Variants in TRAPPC9 observed in about 807,000 individuals in gnomAD.
The protein encoded by TRAPPC9 is trafficking protein particle complex subunit 9, also known as IKK2 binding protein.
Under a neutral mutation model 124.0 loss-of-function variants are expected in TRAPPC9, and 83 were observed. The observed-to-expected ratio is 0.67, with a 90% CI of 0.56 to 0.80. TRAPPC9 has a LOEUF of 0.80. Among genes scored for constraint, TRAPPC9 ranks in the 30% least tolerant of loss-of-function variants. The pLI is 0.00. For synonymous variants in TRAPPC9, 638 were observed against 617.5 expected (o/e 1.03, Z -0.49); for missense variants, 1,302 against 1,508.3 (o/e 0.86, Z 2.27).
At chr8:140,408,283 GGA>G (rs2069568799) in intron 5 of TRAPPC9, among the ~76,000 whole-genome samples, 1 of 152,092 alleles carries the variant, frequency 6.6e-6, no homozygotes, top group South Asian at 2.1e-4. Context: ...GAAGTCACGG[GGA>G]GGGGGGAAGG....
At chr8:140,175,867 C>T (rs1389790621) in intron 17 of TRAPPC9, among the ~76,000 whole-genome samples, 1 of 152,248 alleles carries the variant, frequency 6.6e-6, no homozygotes, top group Non-Finnish European at 1.5e-5. Context: ...AACTATCTCA[C>T]ATTGTAGGCA....
intron 16 of TRAPPC9, among the ~76,000 whole-genome samples, chr8:140,230,058 T>C (rs909599165): frequency 1.3e-5 from 2 of 152,120 alleles, no homozygotes; most frequent in African/African-American, 4.8e-5. Flanking sequence ...GTCCAGACTG[T>C]CACCTGCCAG....
chr8:140,023,163 G>A (rs561154929), intron 18 of TRAPPC9, among the ~76,000 whole-genome samples: 146 of 152,294 alleles, frequency 9.6e-4, no homozygotes, highest in Non-Finnish European at 1.7e-3. Flanking sequence ...GCTCGGAGGT[G>A]AAGAGCACCT....
At chr8:140,160,940 G>A (rs1018514488) in intron 17 of TRAPPC9, among the ~76,000 whole-genome samples, 3 of 152,104 alleles carry the variant, frequency 2.0e-5, no homozygotes, top group Non-Finnish European at 4.4e-5. Flanking sequence ...CTAAGCACTC[G>A]CTATGCATCG....
chr8:139,938,786 C>A (rs1193089640), intron 19 of TRAPPC9, among the ~76,000 whole-genome samples: 1 of 151,072 alleles, frequency 6.6e-6, no homozygotes, highest in Non-Finnish European at 1.5e-5. Context: ...GCTGGGACTA[C>A]AGGCGCCCGC....
At chr8:140,455,980 C>T (rs1417153336) in intron 1 of TRAPPC9, among the ~76,000 whole-genome samples, 1 of 152,068 alleles carries the variant, frequency 6.6e-6, no homozygotes, top group Non-Finnish European at 1.5e-5. Context: ...CTATATATAT[C>T]GAAAGTAAAC....
intron 17 of TRAPPC9, among the ~76,000 whole-genome samples, chr8:140,138,413 G>A (rs983596496): frequency 2.0e-5 from 3 of 152,182 alleles, no homozygotes; most frequent in Non-Finnish European, 4.4e-5. Flanking sequence ...TCTGGGCTCC[G>A]GGTTTGTTAA....
chr8:139,894,694 C>G (rs1166368111), intron 20 of TRAPPC9, among the ~76,000 whole-genome samples: 1 of 152,180 alleles, frequency 6.6e-6, no homozygotes, highest in Non-Finnish European at 1.5e-5. Context: ...GTGACTCACT[C>G]TAATCAAAGG....
At chr8:140,314,330 G>T (rs1221040846) in intron 9 of TRAPPC9, among the ~76,000 whole-genome samples, 1 of 151,896 alleles carries the variant, frequency 6.6e-6, no homozygotes, top group Non-Finnish European at 1.5e-5. Flanking sequence ...ATTTCTAATG[G>T]ATACATAATA....
intron 21 of TRAPPC9, among the ~76,000 whole-genome samples, chr8:139,836,979 G>GAACCC (rs3036943): frequency 2.6e-5 from 1 of 38,144 alleles, no homozygotes; most frequent in African/African-American, 2.5e-4. Flanking sequence ...GGAGGACTTG[G>GAACCC]GGCCTAGCGA....
chr8:140,312,985 C>G (rs1248209088), intron 9 of TRAPPC9, among the ~76,000 whole-genome samples: 2 of 152,122 alleles, frequency 1.3e-5, no homozygotes, highest in African/African-American at 4.8e-5. Flanking sequence ...GTCTCCAACT[C>G]CTGGGCTCAA....
chr8:139,796,160 G>A lies in TRAPPC9; in HGVS notation c.3056-63958C>T, dbSNP rs1032865249. The stretch of plus-strand genomic sequence containing the variant: ...AGGAGGAGGAAGAGGAGGAGGAAGA[G>A]GAGGAGGAGGAGGAGAAGGATGAGG... On this transcript the variant is annotated intron_variant, in intron 21 of 22. Transcript: ENST00000438773. 3.3e-5 allele frequency among the ~76,000 whole-genome samples: 5 copies of A among 151,080 alleles called. No homozygotes were observed. The East Asian group carries it at 9.8e-4, about 29-fold the overall frequency.
At chr8:140,208,830 AT>A (rs373921091) in intron 17 of TRAPPC9, among the ~76,000 whole-genome samples, 140 of 151,850 alleles carry the variant, frequency 9.2e-4, no homozygotes, top group African/African-American at 3.3e-3. Context: ...TTAGAAGCAG[AT>A]TTTTTTTTCA....
intron 14 of TRAPPC9, among the ~76,000 whole-genome samples, chr8:140,278,895 A>G (rs1270094680): frequency 6.6e-6 from 1 of 152,234 alleles, no homozygotes; most frequent in Non-Finnish European, 1.5e-5. Context: ...AAGCCTGGCC[A>G]TCTGACACTG....
At chr8:139,838,586 G>A (rs1288246892) in intron 21 of TRAPPC9, among the ~76,000 whole-genome samples, 1 of 152,156 alleles carries the variant, frequency 6.6e-6, no homozygotes, top group East Asian at 1.9e-4. Flanking sequence ...ACCCTGGCGG[G>A]TCTCCTTGGC....
At chr8:140,134,642 A>G (rs1341400457) in intron 17 of TRAPPC9, among the ~76,000 whole-genome samples, 2 of 152,234 alleles carry the variant, frequency 1.3e-5, no homozygotes, top group African/African-American at 4.8e-5. Flanking sequence ...GGAGTTCCAC[A>G]TGCAAAGGAA....
rs778511760 is a variant in TRAPPC9, at chr8:140,423,705, C to CACATATAT, written c.886+2902_886+2909dup. 2.2e-4 allele frequency among the ~76,000 whole-genome samples: 33 copies of CACATATAT among 151,608 alleles called. No homozygotes were observed. The South Asian group carries it at 2.3e-3, about 10-fold the overall frequency. On this transcript the variant is annotated intron_variant, in intron 5 of 22. Coordinates refer to ENST00000438773, the MANE Select transcript of TRAPPC9 (RefSeq NM_001160372.4). ...ATATATACACATATACACATGTATA[C>CACATATAT]ACATATATACATATATACACATATA...
intron 16 of TRAPPC9, among the ~76,000 whole-genome samples, chr8:140,247,715 A>G (rs960565467): frequency 2.6e-5 from 4 of 152,102 alleles, no homozygotes; most frequent in Non-Finnish European, 5.9e-5. Context: ...TTCTTTGCCT[A>G]GCTTCTAAGT....
At chr8:140,356,479 G>A (rs2067748897) in intron 9 of TRAPPC9, among the ~76,000 whole-genome samples, 1 of 152,160 alleles carries the variant, frequency 6.6e-6, no homozygotes, top group African/African-American at 2.4e-5. Context: ...ATGTCCCATG[G>A]AAACCGCAGG....
Sources: gnomAD v4.1 joint callset for allele counts (sites outside exome capture counted in the v4.1 genomes callset) on GRCh38, gnomAD v4.1.1 for gene constraint, MANE v1.5 for transcripts, NCBI Gene and HGNC (gene_info 2026-07-23, HGNC 2026-07-21) for gene names.